IKZF1: variants seen among roughly 807,000 people sequenced by gnomAD.
The protein encoded by IKZF1 is DNA-binding protein Ikaros.
A neutral mutation model predicts 51.7 loss-of-function variants in IKZF1; 10 were observed. The observed-to-expected ratio is 0.19, with a 90% CI of 0.12 to 0.33. The LOEUF is 0.33. Ranked by LOEUF, IKZF1 falls within the 10% of genes least tolerant of loss-of-function variation. The probability of loss-of-function intolerance (pLI) is 1.00; values close to 1 mark genes in which losing one functional copy is unlikely to be tolerated. For missense variants in IKZF1, 484 were observed against 707.5 expected, an observed-to-expected ratio of 0.68 and a Z score of 3.58; for synonymous variants, 280 against 282.3, an observed-to-expected ratio of 0.99 and a Z score of 0.08.
chr7:50,323,447 C>T (rs1157581262), intron 2 of IKZF1, among the ~76,000 whole-genome samples: 1 of 152,168 alleles, frequency 6.6e-6, no homozygotes, highest in Non-Finnish European at 1.5e-5. Context: ...GATGACAGAA[C>T]TTTGTTGAGT....
intron 3 of IKZF1, among the ~76,000 whole-genome samples, chr7:50,351,972 T>G (rs533250641): frequency 6.6e-6 from 1 of 152,186 alleles, no homozygotes; most frequent in South Asian, 2.1e-4. Flanking sequence ...TTACAGGGAG[T>G]TAATTTGTGG....
At chr7:50,372,720 T>C (rs1192906429) in intron 3 of IKZF1, among the ~76,000 whole-genome samples, 1 of 152,276 alleles carries the variant, frequency 6.6e-6, no homozygotes, top group African/African-American at 2.4e-5. Context: ...ACTAATCTTC[T>C]ATATATGTCC....
intron 3 of IKZF1, among the ~76,000 whole-genome samples, chr7:50,343,407 A>T (rs1799570941): frequency 6.6e-6 from 1 of 152,146 alleles, no homozygotes; most frequent in South Asian, 2.1e-4. Context: ...TTTCTACAAG[A>T]CATAGAGAAA....
At chr7:50,341,976 GAA>G in intron 3 of IKZF1, among the ~76,000 whole-genome samples, 1 of 142,022 alleles carries the variant, frequency 7.0e-6, no homozygotes, top group Non-Finnish European at 1.5e-5. Context: ...TTATATTGTG[GAA>G]AAAAAAAAAA....
chr7:50,375,905 A>G (rs1190505716), intron 3 of IKZF1, among the ~76,000 whole-genome samples: 3 of 152,212 alleles, frequency 2.0e-5, no homozygotes, highest in Non-Finnish European at 2.9e-5. Flanking sequence ...TCAAATGGTC[A>G]TGTACCAAAG....
intron 3 of IKZF1, among the ~76,000 whole-genome samples, chr7:50,340,005 A>G (rs1798701417): frequency 1.3e-5 from 2 of 152,178 alleles, no homozygotes; most frequent in South Asian, 2.1e-4. Flanking sequence ...ACTTCCTTAG[A>G]TTAAATGCAG....
intron 3 of IKZF1, among the ~76,000 whole-genome samples, chr7:50,336,001 A>G (rs1797687417): frequency 6.6e-6 from 1 of 152,100 alleles, no homozygotes; most frequent in African/African-American, 2.4e-5. Flanking sequence ...AGGGCTGTCC[A>G]GAGCAGCTGC....
chr7:50,324,193 G>A (rs2153376138), intron 2 of IKZF1, among the ~76,000 whole-genome samples: 1 of 152,332 alleles, frequency 6.6e-6, no homozygotes, highest in Middle Eastern at 3.4e-3. Flanking sequence ...GTTTCATGAA[G>A]TGATAACTTT....
At position 50,368,503 on chromosome 7, in the gene IKZF1, G is replaced by A. The variant is rs751914756; in HGVS notation, c.161-8030G>A. On this transcript the variant is annotated intron_variant, in intron 3 of 7. Coordinates refer to ENST00000331340, the MANE Select transcript of IKZF1 (RefSeq NM_006060.6). ...GATATGCTCTTCATCTGTGGTTCTG[G>A]AGTATTAATTTCAGAACTGAGAAGA... 13 of 592,428 alleles carry A rather than the reference G, an allele frequency of 2.2e-5. No homozygotes were observed. In the East Asian group the frequency reaches 3.3e-4, roughly 15 times the overall value. The allele number at this position is 592,428 out of a possible 1,614,324, so 36.7% of individuals were successfully genotyped here.
intron 3 of IKZF1, among the ~76,000 whole-genome samples, chr7:50,353,035 T>G (rs533758449): frequency 6.6e-5 from 10 of 152,346 alleles, no homozygotes; most frequent in African/African-American, 2.4e-4. Context: ...TCTTTTCCCC[T>G]GCTTACCCTT....
intron 3 of IKZF1, 117 bp downstream of exon 3, chr7:50,327,874 A>G (rs1795474961): frequency 8.5e-7 from 1 of 1,179,284 alleles, no homozygotes. Flanking sequence ...CAACTGGCAT[A>G]TTAAAGAAAT....
At chr7:50,366,438 G>A (rs1806975821) in intron 3 of IKZF1, among the ~76,000 whole-genome samples, 1 of 152,282 alleles carries the variant, frequency 6.6e-6, no homozygotes, top group Non-Finnish European at 1.5e-5. Flanking sequence ...ATTGCATTCA[G>A]ATCTAATCTC....
chr7:50,335,349 G>T (rs1797423855), intron 3 of IKZF1, among the ~76,000 whole-genome samples: 1 of 146,644 alleles, frequency 6.8e-6, no homozygotes, highest in African/African-American at 2.5e-5. Context: ...GGTGTGTTGT[G>T]TATGTGTGTG....
chr7:50,382,326 G>A (rs1457309207), intron 4 of IKZF1, among the ~76,000 whole-genome samples: 1 of 152,096 alleles, frequency 6.6e-6, no homozygotes, highest in Non-Finnish European at 1.5e-5. Flanking sequence ...GTGCCATTCT[G>A]ATTTAGGGAA....
At chr7:50,321,083 T>C (rs1793144049) in intron 2 of IKZF1, among the ~76,000 whole-genome samples, 1 of 152,230 alleles carries the variant, frequency 6.6e-6, no homozygotes, top group African/African-American at 2.4e-5. Flanking sequence ...ATATTTTCTA[T>C]ATGCTTGCCC....
At chr7:50,362,314 C>T (rs1290758404) in intron 3 of IKZF1, among the ~76,000 whole-genome samples, 1 of 152,234 alleles carries the variant, frequency 6.6e-6, no homozygotes, top group Non-Finnish European at 1.5e-5. Context: ...TCCACTCAAC[C>T]CCATTGCCAG....
rs1456467255 is a variant in IKZF1 at position 50,309,137 on chromosome 7, C to A, written c.-15+4215C>A. ...CCTCCTGATAGCTCGTGGCGCGGGG[C>A]CACGGCTTAACAAATGGCTGAAAAT... On this transcript the variant is annotated intron_variant, in intron 1 of 7. Transcript: ENST00000331340. Among the ~76,000 whole-genome samples the A allele has an allele frequency of 1.3e-5, 2 of 152,298 alleles. 1 individual carries two copies. The highest frequency in any genetic ancestry group is 4.1e-4 in the South Asian group (2 of 4,822).
intron 2 of IKZF1, among the ~76,000 whole-genome samples, chr7:50,326,174 A>G (rs1019237666): frequency 1.3e-5 from 2 of 152,230 alleles, no homozygotes; most frequent in South Asian, 2.1e-4. Flanking sequence ...AAATGCTGGT[A>G]TTACTCTTGT....
At chr7:50,377,540 C>T (rs1810619688) in intron 4 of IKZF1, among the ~76,000 whole-genome samples, 2 of 152,232 alleles carry the variant, frequency 1.3e-5, no homozygotes. Flanking sequence ...TCACCAGAGG[C>T]GTGGGAACAC....
Sources: gnomAD v4.1 joint callset for allele counts (sites outside exome capture counted in the v4.1 genomes callset) on GRCh38, gnomAD v4.1.1 for gene constraint, MANE v1.5 for transcripts, NCBI Gene and HGNC (gene_info 2026-07-23, HGNC 2026-07-21) for gene names.